Variants in RGS6 observed in about 807,000 individuals in gnomAD.
RGS6 encodes regulator of G protein signaling 6.
RGS6 carries 30 observed loss-of-function variants against 78.5 expected under a neutral mutation model. The observed-to-expected ratio is 0.38, with a 90% confidence interval of 0.29 to 0.52. RGS6 has a LOEUF of 0.52. Among genes scored for constraint, RGS6 ranks in the 20% least tolerant of loss-of-function variants. The pLI, the probability that RGS6 is intolerant of heterozygous loss-of-function variation, is 0.85. For synonymous variants in RGS6, 206 were observed against 206.0 expected, an observed-to-expected ratio of 1.00 and a Z score of 0.00; for missense variants, 495 against 609.7, an observed-to-expected ratio of 0.81 and a Z score of 1.98.
At chr14:72,458,517 C>A in intron 5 of RGS6, 140 bp downstream of exon 5, 2 of 659,734 alleles carry the variant, frequency 3.0e-6, no homozygotes, top group African/African-American at 1.8e-5. Context: ...GCCAAGAGAA[C>A]TTTTCTCTGG....
At chr14:72,580,475 C>G in the RGS6 span, among the ~76,000 whole-genome samples, 50 of 152,154 alleles carry the variant, frequency 3.3e-4, no homozygotes, top group Non-Finnish European at 6.8e-4. Context: ...AATTAGCCCA[C>G]AGCCATCTGC....
chr14:72,395,162 G>T (rs1237711288), intron 3 of RGS6, among the ~76,000 whole-genome samples: 1 of 152,126 alleles, frequency 6.6e-6, no homozygotes, highest in East Asian at 1.9e-4. Flanking sequence ...GTATGTTTCT[G>T]TGAAGACCAC....
intron 2 of RGS6, among the ~76,000 whole-genome samples, chr14:72,329,652 G>C (rs116346139): frequency 6.6e-6 from 1 of 152,232 alleles, no homozygotes; most frequent in Non-Finnish European, 1.5e-5. Context: ...GCCTGGTAAA[G>C]GTTCATTTAA....
chr14:72,152,276 G>GCA (rs2096705811), intron 2 of RGS6, among the ~76,000 whole-genome samples: 3 of 151,248 alleles, frequency 2.0e-5, no homozygotes, highest in Non-Finnish European at 4.4e-5. Context: ...GTGTGTGTGC[G>GCA]CATGCAGCCT....
chr14:72,395,981 C>T (rs1349025546), intron 3 of RGS6, among the ~76,000 whole-genome samples: 4 of 151,934 alleles, frequency 2.6e-5, no homozygotes, highest in Non-Finnish European at 5.9e-5. Flanking sequence ...TGAATAGTGC[C>T]GCAATAAACA....
At position 72,057,313 on chromosome 14, in the gene RGS6, G is replaced by GAAAAAAAAAAAAAAAA. The variant is rs71109718; in HGVS notation, c.84+92450_84+92465dup. 3.0e-4 allele frequency among the ~76,000 whole-genome samples: 17 copies of GAAAAAAAAAAAAAAAA among 56,166 alleles called. 1 individual carries two copies. The highest frequency in any genetic ancestry group is 6.5e-4 in the East Asian group (1 of 1,548). The allele number at this position is 56,166 out of a possible 152,430, so 36.8% of individuals were successfully genotyped here. ...TGAGTGACAGAGTGAGACTCTATCTGAAAAAAAAAAAAAAAAAAAAAAAAA... is the reference window on the plus strand; with the variant it reads ...TGAGTGACAGAGTGAGACTCTATCTGAAAAAAAAAAAAAAAAAAAAAAAAAAAAAAAAAAAAAAAAA... On this transcript the variant is annotated intron_variant, in intron 2 of 17. Coordinates refer to ENST00000553525, the MANE Select transcript of RGS6 (RefSeq NM_001204424.2).
At chr14:72,040,436 C>T (rs1466599512) in intron 2 of RGS6, among the ~76,000 whole-genome samples, 1 of 151,660 alleles carries the variant, frequency 6.6e-6, no homozygotes, top group Admixed American at 6.6e-5. Context: ...TATATTATCT[C>T]ACTTCCTTCT....
In RGS6 at chr14:72,472,884, A is replaced by G; in HGVS notation, c.549A>G (p.Lys183=). Residue 183 remains lysine, a synonymous_variant, in exon 9 of 18, where the codon AAA becomes AAG. Transcript: ENST00000553525. ...TTTACTCTTTCAGGATTGACCGGAA[A>G]AAAGACAAGACAGAAAGGAAAATTT... ...QAEAQVKIDR[K]KDKTERKILD... is the part of the protein sequence containing the mutation. 1.9e-6 allele frequency: 3 copies of G among 1,612,796 alleles called. No individual in the cohort carries two copies. Among genetic ancestry groups the G allele is most frequent in the Non-Finnish European group, 2.5e-6 (3 of 1,179,106 alleles).
the RGS6 span, among the ~76,000 whole-genome samples, chr14:72,576,667 A>C: frequency 6.6e-6 from 1 of 152,228 alleles, no homozygotes; most frequent in Non-Finnish European, 1.5e-5. Flanking sequence ...TGGTCCCATG[A>C]TGCAGACAGA....
At chr14:72,305,859 G>A (rs1179754534) in intron 2 of RGS6, among the ~76,000 whole-genome samples, 1 of 152,196 alleles carries the variant, frequency 6.6e-6, no homozygotes, top group African/African-American at 2.4e-5. Context: ...GTCAAAAGCT[G>A]AGACAGGCCA....
At chr14:72,201,203 G>A (rs1278944298) in intron 2 of RGS6, among the ~76,000 whole-genome samples, 3 of 152,098 alleles carry the variant, frequency 2.0e-5, no homozygotes, top group East Asian at 1.9e-4. Flanking sequence ...AGAGACCTGC[G>A]CTCTCTGTAT....
chr14:72,536,077 C>T, intron 15 of RGS6, 109 bp from the exon 16 acceptor site: 1 of 823,108 alleles, frequency 1.2e-6, no homozygotes, highest in South Asian at 1.4e-5. Flanking sequence ...TGCAAACATA[C>T]CTAGGTTCCT....
At chr14:72,181,434 T>G (rs1033743948) in intron 2 of RGS6, among the ~76,000 whole-genome samples, 40 of 152,232 alleles carry the variant, frequency 2.6e-4, no homozygotes, top group African/African-American at 8.9e-4. Flanking sequence ...CATTCAGAGC[T>G]CTGCAAGAGA....
At chr14:72,377,467 C>G (rs34062036) in intron 3 of RGS6, among the ~76,000 whole-genome samples, 9,214 of 152,020 alleles carry the variant, frequency 0.061, 466 homozygotes, top group East Asian at 0.3. Flanking sequence ...TAACACCCCA[C>G]TCTCAGCCTT....
intron 2 of RGS6, among the ~76,000 whole-genome samples, chr14:71,998,067 T>G (rs1257780540): frequency 2.0e-5 from 3 of 152,084 alleles, no homozygotes; most frequent in African/African-American, 7.2e-5. Flanking sequence ...TTATACAGTT[T>G]AGGGAGACAT....
At chr14:72,574,741 G>A in the RGS6 span, among the ~76,000 whole-genome samples, 5 of 152,244 alleles carry the variant, frequency 3.3e-5, no homozygotes, top group African/African-American at 4.8e-5. Flanking sequence ...CTAGGAGGAA[G>A]TGGGGAAGGA....
intron 2 of RGS6, among the ~76,000 whole-genome samples, chr14:72,278,582 TTATA>T (rs1391548505): frequency 6.6e-6 from 1 of 152,214 alleles, no homozygotes; most frequent in Non-Finnish European, 1.5e-5. Context: ...GTGTGTGGGT[TTATA>T]TAGCCACGTA....
chr14:72,459,744 C>A, intron 6 of RGS6, 61 bp downstream of exon 6: 1 of 1,550,858 alleles, frequency 6.4e-7, no homozygotes, highest in Non-Finnish European at 8.9e-7. Flanking sequence ...TCTGGGGGTG[C>A]AGAAGACAAA....
At chr14:72,470,233 G>A (rs1376700903) in intron 8 of RGS6, 150 bp downstream of exon 8, 7 of 622,376 alleles carry the variant, frequency 1.1e-5, no homozygotes, top group Middle Eastern at 5.3e-4. Flanking sequence ...TTAAAGTCAG[G>A]ATGGATAAGT....
Sources: allele counts gnomAD v4.1 joint callset (sites outside exome capture counted in the v4.1 genomes callset), GRCh38; gene constraint gnomAD v4.1.1; transcripts MANE v1.5; gene names NCBI Gene and HGNC (gene_info 2026-07-23, HGNC 2026-07-21).